FZD10: variants seen among roughly 807,000 people sequenced by gnomAD.
The protein encoded by FZD10 is frizzled class receptor 10, also known as frizzled-10.
Under a neutral mutation model 24.4 loss-of-function variants are expected in FZD10, and 14 were observed. The observed-to-expected ratio is 0.57, with a 90% confidence interval of 0.38 to 0.90. The LOEUF (loss-of-function observed/expected upper bound fraction) is 0.90, where lower values mean the gene tolerates loss of function less well. FZD10 is among the 40% of genes least tolerant of loss of function. The pLI is 0.00. For missense variants in FZD10, 775 were observed against 816.6 expected, an observed-to-expected ratio of 0.95 and a Z score of 0.62; for synonymous variants, 381 against 349.1, an observed-to-expected ratio of 1.09 and a Z score of -1.02.
rs775744371 is a variant in FZD10 at position 130,163,493 on chromosome 12, A to C, written c.551A>C (p.Asp184Ala). ...AGCGCGCAGGAGCACCCGCTGAAGGACGGGGGCCCCGGGCGCGGCGGCTGC... is the reference window on the plus strand; with the variant it reads ...AGCGCGCAGGAGCACCCGCTGAAGGCCGGGGGCCCCGGGCGCGGCGGCTGC... The part of the protein sequence containing the change: ...PHSAQEHPLK[D>A]GGPGRGGCDN... The change falls in exon 1 of 1, where the codon GAC (aspartate) becomes GCC (alanine). Residue 184 changes from aspartate to alanine, a missense_variant. Asp to Ala is a moderately radical substitution (Grantham distance 126). Transcript: ENST00000229030. 1.9e-6 allele frequency: 3 copies of C among 1,595,714 alleles called. No homozygotes were observed. Among genetic ancestry groups the C allele is most frequent in the Non-Finnish European group, 2.6e-6 (3 of 1,171,520 alleles).
rs772826731 is a variant in FZD10 at position 130,164,598 on chromosome 12, C to T, written c.1656C>T (p.Thr552=). ...GGAGAAAACCGGCCAGCGTGATCAC[C>T]AGCGGTGGGATTTACAAAAAAGCCC... ...KSRRKPASVI[T]SGGIYKKAQH... is the part of the protein sequence containing the mutation. The change falls in exon 1 of 1, where the codon ACC becomes ACT. Residue 552 remains threonine, a synonymous_variant. Transcript: ENST00000229030. The surrounding 1 kb of genome is among the most constrained non-coding windows in gnomAD (Gnocchi z 5.3). 16 of 1,612,906 alleles carry T rather than the reference C, an allele frequency of 9.9e-6. No individual in the cohort carries two copies. The South Asian group carries it at 1.8e-4, about 18-fold the overall frequency.
Position 130,164,737 on chromosome 12 carries a change from GC to G in FZD10, c.*50del. 7.8e-7 allele frequency: 1 copy of G among 1,278,526 alleles called. No individual in the cohort carries two copies. Among genetic ancestry groups the G allele is most frequent in the African/African-American group, 1.5e-5 (1 of 66,654 alleles). The allele number at this position is 1,278,526 out of a possible 1,614,324, so 79.2% of individuals were successfully genotyped here. A position where few individuals can be genotyped will look rare whatever the true frequency, so the allele number is the denominator to read the frequency against. ...GGGGCGCCCGGAGCTAAGATGTGGT[GC>G]TTTTCTTGGTTGTGTTTTTCTTTCT... On this transcript the variant is annotated 3_prime_UTR_variant, in exon 1 of 1. Transcript: ENST00000229030. This position sits in a 1 kb window ranked among gnomAD's most constrained non-coding sequence, Gnocchi z 5.3.
chr12:130,164,112 C>T lies in FZD10; in HGVS notation c.1170C>T (p.Asp390=), dbSNP rs762244706. The T allele has an allele frequency of 2.5e-6, 4 of 1,613,658 alleles. No individual in the cohort carries two copies. The South Asian group carries it at 4.4e-5, about 18-fold the overall frequency. Residue 390 remains aspartate (D), a synonymous_variant, in exon 1 of 1, where the codon GAC becomes GAT. Transcript: ENST00000229030. The surrounding 1 kb of genome is among the most constrained non-coding windows in gnomAD (Gnocchi z 5.3). ...GGGTCTGCTACGTGGGCAGCATGGA[C>T]GTCAACGCGCTCACCGGCTTCGTGC... is the stretch of plus-strand genomic sequence containing the variant. ...LTGVCYVGSM[D]VNALTGFVLI... is the part of the protein sequence containing the mutation.
At position 130,162,844 on chromosome 12, in the gene FZD10, C is replaced by A; in HGVS notation, c.-99C>A. On this transcript the variant is annotated 5_prime_UTR_variant, in exon 1 of 1. Transcript: ENST00000229030. ...GGCCGGGCGGGCATGGGCGGGGGCC[C>A]GAGCAGGGGTGGAGAGCCGGGGCCA... The A allele has an allele frequency of 1.1e-6, 1 of 877,402 alleles. No homozygotes were observed. The highest frequency in any genetic ancestry group is 2.6e-5 in the South Asian group (1 of 37,930). 54.4% of individuals were successfully genotyped at this position (877,402 alleles called of 1,614,324 possible).
chr12:130,163,446 G>C lies in FZD10; in HGVS notation c.504G>C (p.Leu168=). 1 of 1,611,198 alleles carries C rather than the reference G, an allele frequency of 6.2e-7. No homozygotes were observed. Among genetic ancestry groups the C allele is most frequent in the Non-Finnish European group, 8.5e-7 (1 of 1,179,168 alleles). The part of the protein sequence containing the change: ...PTRGSGLFPP[L]FRPQRPHSAQ... ...GGGGCTCGGGCCTGTTCCCGCCGCT[G>C]TTCCGGCCGCAGCGGCCCCACAGCG... is the stretch of plus-strand genomic sequence containing the variant. The change falls in exon 1 of 1, where the codon CTG becomes CTC. Residue 168 remains leucine (L), a synonymous_variant. Coordinates refer to ENST00000229030, the MANE Select transcript of FZD10 (RefSeq NM_007197.4).
chr12:130,164,324 G>C lies in FZD10; in HGVS notation c.1382G>C (p.Cys461Ser). ...GTGCCGGCCACCTGTGTGATCGCCTGCTACTTTTACGAACGCCTCAACATG... is the reference window on the plus strand; with the variant it reads ...GTGCCGGCCACCTGTGTGATCGCCTCCTACTTTTACGAACGCCTCAACATG... ...YTVPATCVIA[C>S]YFYERLNMDY... The change falls in exon 1 of 1, where the codon TGC becomes TCC. Residue 461 changes from cysteine (C) to serine (S), a missense_variant. Transcript: ENST00000229030. This position sits in a 1 kb window ranked among gnomAD's most constrained non-coding sequence, Gnocchi z 5.3. The C allele has an allele frequency of 6.2e-7, 1 of 1,614,182 alleles. No individual in the cohort carries two copies. Among genetic ancestry groups the C allele is most frequent in the Non-Finnish European group, 8.5e-7 (1 of 1,180,032 alleles).
In FZD10 at chr12:130,164,759, TTTC is replaced by T. The variant is rs1321877159; in HGVS notation, c.*83_*85del. The T allele has an allele frequency of 5.5e-5, 59 of 1,081,286 alleles. No homozygotes were observed. Among genetic ancestry groups the T allele is most frequent in the Admixed American group, 4.2e-4 (14 of 33,456 alleles). 67.0% of individuals were successfully genotyped at this position (1,081,286 alleles called of 1,614,324 possible). ...GGTGCTTTTCTTGGTTGTGTTTTTCTTTCTTCTTCTTCTTTTTTTTTTTTTATA... is the reference window on the plus strand; with the variant it reads ...GGTGCTTTTCTTGGTTGTGTTTTTCTTTCTTCTTCTTTTTTTTTTTTTATA... On this transcript the variant is annotated 3_prime_UTR_variant, in exon 1 of 1. Transcript: ENST00000229030. The surrounding 1 kb of genome is among the most constrained non-coding windows in gnomAD (Gnocchi z 5.3).
In FZD10 at chr12:130,164,101, G is replaced by A. The variant is rs1279433731; in HGVS notation, c.1159G>A (p.Gly387Ser). The A allele has an allele frequency of 6.2e-7, 1 of 1,613,610 alleles. No individual in the cohort carries two copies. The highest frequency in any genetic ancestry group is 8.5e-7 in the Non-Finnish European group (1 of 1,179,964). Residue 387 changes from glycine (G) to serine (S), a missense_variant, in exon 1 of 1, where the codon GGC becomes AGC. Coordinates refer to ENST00000229030, the MANE Select transcript of FZD10 (RefSeq NM_007197.4). The surrounding 1 kb of genome is among the most constrained non-coding windows in gnomAD (Gnocchi z 5.3). ...GDELTGVCYV[G>S]SMDVNALTGF... ...CGAGCTCACCGGGGTCTGCTACGTG[G>A]GCAGCATGGACGTCAACGCGCTCAC...
chr12:130,164,561 AG>A lies in FZD10; in HGVS notation c.1620del (p.Lys541ArgfsTer10). Reference protein sequence around the residue: ...SWQQVCSRRLKKKSRRKPASV... With the variant: ...SWQQVCSRRLXKKSRRKPASV... Reference sequence around the variant, plus strand: ...CAGCAGGTGTGCAGCCGTAGGTTAAAGAAGAAGAGCCGGAGAAAACCGGCCA... The same window carrying A: ...CAGCAGGTGTGCAGCCGTAGGTTAAAAAGAAGAGCCGGAGAAAACCGGCCA... On this transcript the variant is annotated frameshift_variant, in exon 1 of 1. Coordinates refer to ENST00000229030, the MANE Select transcript of FZD10 (RefSeq NM_007197.4). LOFTEE classifies it low-confidence loss of function (END_TRUNC). The surrounding 1 kb of genome is among the most constrained non-coding windows in gnomAD (Gnocchi z 5.3). The A allele has an allele frequency of 6.2e-7, 1 of 1,613,030 alleles. No homozygotes were observed. The highest frequency in any genetic ancestry group is 8.5e-7 in the Non-Finnish European group (1 of 1,179,948).
chr12:130,162,871 C>A lies in FZD10; in HGVS notation c.-72C>A. 2 of 1,229,258 alleles carry A rather than the reference C, an allele frequency of 1.6e-6. No homozygotes were observed. The highest frequency in any genetic ancestry group is 2.2e-6 in the Non-Finnish European group (2 of 917,688). The allele number at this position is 1,229,258 out of a possible 1,614,324, so 76.1% of individuals were successfully genotyped here. ...AGCAGGGGTGGAGAGCCGGGGCCAGCAGCAGCCCGTGCCCGGGAGCGGCGG... is the reference window on the plus strand; with the variant it reads ...AGCAGGGGTGGAGAGCCGGGGCCAGAAGCAGCCCGTGCCCGGGAGCGGCGG... On this transcript the variant is annotated 5_prime_UTR_variant, in exon 1 of 1. Coordinates refer to ENST00000229030, the MANE Select transcript of FZD10 (RefSeq NM_007197.4).
chr12:130,164,253 G>A lies in FZD10; in HGVS notation c.1311G>A (p.Leu437=). The change falls in exon 1 of 1, where the codon CTG becomes CTA. Residue 437 remains leucine (L), a synonymous_variant. Coordinates refer to ENST00000229030, the MANE Select transcript of FZD10 (RefSeq NM_007197.4). This position sits in a 1 kb window ranked among gnomAD's most constrained non-coding sequence, Gnocchi z 5.3. The part of the protein sequence containing the change: ...MKTGGENTDK[L]EKLMVRIGLF... The stretch of plus-strand genomic sequence containing the variant: ...CGGGCGGCGAGAACACGGACAAGCT[G>A]GAGAAGCTCATGGTGCGTATCGGGC... 6.2e-7 allele frequency: 1 copy of A among 1,614,168 alleles called. No individual in the cohort carries two copies. The highest frequency in any genetic ancestry group is 1.1e-5 in the South Asian group (1 of 91,086).
rs896378256 is a variant in FZD10 at position 130,164,775 on chromosome 12, T to C, written c.*87T>C. ...GTGTTTTTCTTTCTTCTTCTTCTTT[T>C]TTTTTTTTTATAAAAGCAAAAGAGA... is the stretch of plus-strand genomic sequence containing the variant. On this transcript the variant is annotated 3_prime_UTR_variant, in exon 1 of 1. Coordinates refer to ENST00000229030, the MANE Select transcript of FZD10 (RefSeq NM_007197.4). The surrounding 1 kb of genome is among the most constrained non-coding windows in gnomAD (Gnocchi z 5.3). 8.9e-5 allele frequency: 84 copies of C among 947,476 alleles called. No individual in the cohort carries two copies. The South Asian group carries it at 1.3e-3, about 14-fold the overall frequency. The allele number at this position is 947,476 out of a possible 1,614,324, so 58.7% of individuals were successfully genotyped here.
chr12:130,162,904 G>A lies in FZD10; in HGVS notation c.-39G>A, dbSNP rs1566095742. On this transcript the variant is annotated 5_prime_UTR_variant, in exon 1 of 1. Transcript: ENST00000229030. ...CGTGCCCGGGAGCGGCGGCGCTGAG[G>A]GGCGCGGAGCTCCCCGCGAGGACAC... is the stretch of plus-strand genomic sequence containing the variant. 3 of 1,426,388 alleles carry A rather than the reference G, an allele frequency of 2.1e-6. No individual in the cohort carries two copies. Among genetic ancestry groups the A allele is most frequent in the South Asian group, 1.5e-5 (1 of 68,934 alleles). 88.4% of individuals were successfully genotyped at this position (1,426,388 alleles called of 1,614,324 possible).
rs760319687 is a variant in FZD10 at position 130,164,602 on chromosome 12, G to C, written c.1660G>C (p.Gly554Arg). Reference sequence around the variant, plus strand: ...AAAACCGGCCAGCGTGATCACCAGCGGTGGGATTTACAAAAAAGCCCAGCA... The same window carrying C: ...AAAACCGGCCAGCGTGATCACCAGCCGTGGGATTTACAAAAAAGCCCAGCA... ...RRKPASVITS[G>R]GIYKKAQHPQ... is the part of the protein sequence containing the mutation. The change falls in exon 1 of 1, where the codon GGT becomes CGT. Residue 554 changes from glycine to arginine, a missense_variant. Physicochemically the swap from Gly to Arg is moderately radical, Grantham distance 125. Transcript: ENST00000229030. The surrounding 1 kb of genome is among the most constrained non-coding windows in gnomAD (Gnocchi z 5.3). The C allele has an allele frequency of 1.9e-6, 3 of 1,612,832 alleles. No individual in the cohort carries two copies. The South Asian group carries it at 3.3e-5, about 18-fold the overall frequency.
At position 130,163,390 on chromosome 12, in the gene FZD10, G is replaced by T; in HGVS notation, c.448G>T (p.Ala150Ser). 6.2e-7 allele frequency: 1 copy of T among 1,612,684 alleles called. No homozygotes were observed. The highest frequency in any genetic ancestry group is 1.1e-5 in the South Asian group (1 of 91,084). Reference protein sequence around the residue: ...KNDPNYLCMEAPNNGSDEPTR... With the variant: ...KNDPNYLCMESPNNGSDEPTR... ...CGACCCCAACTACCTGTGCATGGAG[G>T]CGCCCAACAACGGCTCGGACGAGCC... Residue 150 changes from alanine to serine, a missense_variant, in exon 1 of 1, where the codon GCG becomes TCG. By Grantham distance (99) the Ala-to-Ser change is moderately conservative. Transcript: ENST00000229030.
chr12:130,163,254 C>T lies in FZD10; in HGVS notation c.312C>T (p.Pro104=), dbSNP rs770750333. ...CCGAGCAGGTCTCTACCCCCATCCCCGCCTGCCGGGTCATGTGCGAGCAGG... is the reference window on the plus strand; with the variant it reads ...CCGAGCAGGTCTCTACCCCCATCCCTGCCTGCCGGGTCATGTGCGAGCAGG... ...MCTEQVSTPI[P]ACRVMCEQAR... Residue 104 remains proline, a synonymous_variant, in exon 1 of 1, where the codon CCC becomes CCT. Transcript: ENST00000229030. 6 of 1,612,970 alleles carry T rather than the reference C, an allele frequency of 3.7e-6. No homozygotes were observed. In the African/African-American group the frequency reaches 5.3e-5, roughly 14 times the overall value.
chr12:130,163,049 C>G lies in FZD10; in HGVS notation c.107C>G (p.Pro36Arg), dbSNP rs556423688. ...MERPGDGKCQPIEIPMCKDIG... is the reference protein window; with the variant it reads ...MERPGDGKCQRIEIPMCKDIG... Reference sequence around the variant, plus strand: ...CGCCCGGGCGACGGCAAATGCCAGCCCATCGAGATCCCGATGTGCAAGGAC... The same window carrying G: ...CGCCCGGGCGACGGCAAATGCCAGCGCATCGAGATCCCGATGTGCAAGGAC... Residue 36 changes from proline (P) to arginine (R), a missense_variant, in exon 1 of 1, where the codon CCC becomes CGC. Transcript: ENST00000229030. The G allele has an allele frequency of 1.2e-6, 2 of 1,612,642 alleles. No individual in the cohort carries two copies. The highest frequency in any genetic ancestry group is 1.3e-5 in the African/African-American group (1 of 75,052).
chr12:130,164,107 A>G lies in FZD10; in HGVS notation c.1165A>G (p.Met389Val). The G allele has an allele frequency of 6.2e-7, 1 of 1,613,752 alleles. No homozygotes were observed. Among genetic ancestry groups the G allele is most frequent in the Non-Finnish European group, 8.5e-7 (1 of 1,179,964 alleles). Reference sequence around the variant, plus strand: ...CACCGGGGTCTGCTACGTGGGCAGCATGGACGTCAACGCGCTCACCGGCTT... The same window carrying G: ...CACCGGGGTCTGCTACGTGGGCAGCGTGGACGTCAACGCGCTCACCGGCTT... ...ELTGVCYVGS[M>V]DVNALTGFVL... Residue 389 changes from methionine (M) to valine (V), a missense_variant, in exon 1 of 1, where the codon ATG becomes GTG. Transcript: ENST00000229030. The surrounding 1 kb of genome is among the most constrained non-coding windows in gnomAD (Gnocchi z 5.3).
Position 130,163,569 on chromosome 12 carries a change from G to C in FZD10, c.627G>C (p.Pro209=). The C allele has an allele frequency of 6.2e-7, 1 of 1,606,528 alleles. No individual in the cohort carries two copies. The highest frequency in any genetic ancestry group is 2.2e-5 in the East Asian group (1 of 44,748). The change falls in exon 1 of 1, where the codon CCG becomes CCC. Residue 209 remains proline (P), a synonymous_variant. Coordinates refer to ENST00000229030, the MANE Select transcript of FZD10 (RefSeq NM_007197.4). ...TGGAGAAGAGCGCGTCGTGCGCGCC[G>C]CTCTGCACGCCCGGCGTGGACGTGT... ...HHVEKSASCA[P]LCTPGVDVYW... is the part of the protein sequence containing the mutation.
Sources: allele counts gnomAD v4.1 joint callset, GRCh38; gene constraint gnomAD v4.1.1; non-coding constraint Gnocchi (gnomAD v3.1); transcripts MANE v1.5; gene names NCBI Gene and HGNC (gene_info 2026-07-23, HGNC 2026-07-21).